Variants in LRRCC1 observed in about 807,000 individuals in gnomAD.
The protein encoded by LRRCC1 is leucine rich repeat and coiled-coil centrosomal protein 1.
LRRCC1 carries 115 observed loss-of-function variants against 126.0 expected under a neutral mutation model. The observed-to-expected ratio is 0.91, with a 90% CI of 0.78 to 1.07. The LOEUF (loss-of-function observed/expected upper bound fraction) is 1.07. Ranked by LOEUF, LRRCC1 falls within the 50% of genes least tolerant of loss-of-function variation. The pLI is 0.00. For synonymous variants in LRRCC1, 400 were observed against 393.4 expected (o/e 1.02, Z -0.20); for missense variants, 1,172 against 1,175.7 (o/e 1.00, Z 0.05).
chr8:85,107,302 G>A lies in LRRCC1; in HGVS notation c.7G>A (p.Ala3Thr), dbSNP rs1327546098. The change falls in exon 1 of 19, where the codon GCG becomes ACG. Residue 3 changes from alanine to threonine, a missense_variant. Physicochemically the swap from Ala to Thr is moderately conservative, Grantham distance 58 (BLOSUM62 0). Transcript: ENST00000360375. ME[A>T]AAAVVAAEAE... ...GCTCCCCGTCGCCAGTGCTATGGAGGCGGCGGCGGCGGTGGTGGCGGCAGA... is the reference window on the plus strand; with the variant it reads ...GCTCCCCGTCGCCAGTGCTATGGAGACGGCGGCGGCGGTGGTGGCGGCAGA... 6.2e-7 allele frequency: 1 copy of A among 1,608,676 alleles called. No individual in the cohort carries two copies. The highest frequency in any genetic ancestry group is 2.2e-5 in the East Asian group (1 of 44,730).
chr8:85,120,311 T>TG (rs1333519849), intron 6 of LRRCC1, among the ~76,000 whole-genome samples: 1 of 152,002 alleles, frequency 6.6e-6, no homozygotes, highest in African/African-American at 2.4e-5. Flanking sequence ...TTTGTAGAGG[T>TG]GGGGGGGTTG....
chr8:85,126,075 T>C (rs1185798545), intron 8 of LRRCC1, among the ~76,000 whole-genome samples: 1 of 152,154 alleles, frequency 6.6e-6, no homozygotes, highest in East Asian at 1.9e-4. Context: ...TATATTCCCT[T>C]GCGTGCCTTG....
intron 1 of LRRCC1, 159 bp downstream of exon 1, chr8:85,107,558 C>G (rs1241090643): frequency 3.4e-6 from 2 of 587,864 alleles, no homozygotes; most frequent in Non-Finnish European, 5.7e-6. Context: ...CCAAAACTTA[C>G]CTGCCGAAGT....
At chr8:85,118,084 A>G (rs1167451127) in intron 6 of LRRCC1, among the ~76,000 whole-genome samples, 1 of 152,066 alleles carries the variant, frequency 6.6e-6, no homozygotes, top group Non-Finnish European at 1.5e-5. Context: ...TCTACCATAT[A>G]TTATTTAATA....
intron 1 of LRRCC1, 31 bp from the exon 2 acceptor site, chr8:85,109,564 C>T: frequency 7.7e-7 from 1 of 1,292,418 alleles, no homozygotes; most frequent in Non-Finnish European, 1.1e-6. Context: ...CTTTTAAAAT[C>T]TATTTTTATA....
chr8:85,108,608 C>G (rs1258460271), intron 1 of LRRCC1: 4 of 152,212 alleles, frequency 2.6e-5, no homozygotes, highest in Non-Finnish European at 5.9e-5. Flanking sequence ...AGCATAAGGT[C>G]TGGCACTAAA....
chr8:85,145,527 A>G lies in LRRCC1; in HGVS notation c.*16A>G. On this transcript the variant is annotated 3_prime_UTR_variant, in exon 19 of 19. Coordinates refer to ENST00000360375, the MANE Select transcript of LRRCC1 (RefSeq NM_033402.5). ...AGATATGTGATGGTTCTGAGAATGAATTTAATTGAAATAGACCAGCAGACC... is the reference window on the plus strand; with the variant it reads ...AGATATGTGATGGTTCTGAGAATGAGTTTAATTGAAATAGACCAGCAGACC... 6.4e-7 allele frequency: 1 copy of G among 1,567,558 alleles called. No homozygotes were observed. Among genetic ancestry groups the G allele is most frequent in the Non-Finnish European group, 8.6e-7 (1 of 1,164,294 alleles).
At chr8:85,109,546 T>C in intron 1 of LRRCC1, 49 bp from the exon 2 acceptor site, 2 of 1,098,376 alleles carry the variant, frequency 1.8e-6, no homozygotes, top group East Asian at 5.2e-5. Context: ...TTTAGTTATT[T>C]GGTCATGCTT....
At chr8:85,128,072 C>G (rs996406677) in intron 9 of LRRCC1, among the ~76,000 whole-genome samples, 1 of 152,154 alleles carries the variant, frequency 6.6e-6, no homozygotes, top group African/African-American at 2.4e-5. Context: ...CAGAATGGAG[C>G]AGTTTCATGA....
chr8:85,142,632 C>T (rs1811331822), intron 18 of LRRCC1, among the ~76,000 whole-genome samples: 1 of 151,982 alleles, frequency 6.6e-6, no homozygotes, highest in South Asian at 2.1e-4. Context: ...GAATTCAAGA[C>T]CAGCCTGGCC....
intron 14 of LRRCC1, 87 bp downstream of exon 14, chr8:85,136,050 G>A (rs1810837384): frequency 1.8e-6 from 2 of 1,108,286 alleles, no homozygotes; most frequent in Non-Finnish European, 2.4e-6. Flanking sequence ...ACTCAACTCT[G>A]CCTAAAGATG....
At chr8:85,115,795 C>T (rs1316481801) in intron 6 of LRRCC1, among the ~76,000 whole-genome samples, 1 of 152,106 alleles carries the variant, frequency 6.6e-6, no homozygotes, top group African/African-American at 2.4e-5. Context: ...ACTTGTCTTC[C>T]TTTACATCTT....
intron 11 of LRRCC1, 25 bp downstream of exon 11, chr8:85,130,083 G>T: frequency 2.7e-6 from 4 of 1,480,228 alleles, no homozygotes; most frequent in Non-Finnish European, 3.6e-6. Flanking sequence ...TATCAGGAAT[G>T]TATTGGCATT....
chr8:85,129,859 A>G, intron 10 of LRRCC1, 60 bp from the exon 11 acceptor site: 1 of 1,279,792 alleles, frequency 7.8e-7, no homozygotes, highest in Non-Finnish European at 1.0e-6. Flanking sequence ...ATGGAAACTG[A>G]CATTAAAATA....
At position 85,109,674 on chromosome 8, in the gene LRRCC1, G is replaced by A; in HGVS notation, c.184G>A (p.Asp62Asn). 2 of 1,610,808 alleles carry A rather than the reference G, an allele frequency of 1.2e-6. No homozygotes were observed. Among genetic ancestry groups the A allele is most frequent in the Non-Finnish European group, 1.7e-6 (2 of 1,177,436 alleles). The change falls in exon 2 of 19, where the codon GAT becomes AAT. Residue 62 changes from aspartate (D) to asparagine (N), a missense_variant. Asp to Asn is a conservative substitution (Grantham distance 23, BLOSUM62 1). Transcript: ENST00000360375. ...CNNISKIEAIDHIWNLQHLDL... is the reference protein window; with the variant it reads ...CNNISKIEAINHIWNLQHLDL... ...TAACATCTCCAAGATCGAAGCCATT[G>A]ATCATATTTGGAATTTACAACATCT...
rs1489975381 is a variant in LRRCC1, at chr8:85,119,089, AT to A, written c.930+3508del. Among the ~76,000 whole-genome samples, 3 of 151,818 alleles carry A rather than the reference AT, an allele frequency of 2.0e-5. No homozygotes were observed. In the East Asian group the frequency reaches 5.8e-4, roughly 29 times the overall value. On this transcript the variant is annotated intron_variant, in intron 6 of 18. Transcript: ENST00000360375. ...TAGAAAAGGCTCTTCTTTTCACTAA[AT>A]TTCTTTAATGAATTTCTTGAAAAAA...
At chr8:85,108,043 C>G (rs561244100) in intron 1 of LRRCC1, among the ~76,000 whole-genome samples, 1 of 152,352 alleles carries the variant, frequency 6.6e-6, no homozygotes, top group Admixed American at 6.5e-5. Flanking sequence ...TAAAGCAGGT[C>G]TCCACCTGCA....
Position 85,145,445 on chromosome 8 carries a change from A to G in LRRCC1, c.3033A>G (p.Lys1011=). 1 of 1,584,252 alleles carries G rather than the reference A, an allele frequency of 6.3e-7. No individual in the cohort carries two copies. The highest frequency in any genetic ancestry group is 2.3e-5 in the East Asian group (1 of 43,282). ...RELLEETCKN[K]KTMEAKIKQL... is the part of the protein sequence containing the mutation. ...TTTTGGAAGAAACATGCAAGAACAAAAAAACAATGGAAGCAAAAATTAAGC... is the reference window on the plus strand; with the variant it reads ...TTTTGGAAGAAACATGCAAGAACAAGAAAACAATGGAAGCAAAAATTAAGC... The change falls in exon 19 of 19, where the codon AAA becomes AAG. Residue 1011 remains lysine, a synonymous_variant. Coordinates refer to ENST00000360375, the MANE Select transcript of LRRCC1 (RefSeq NM_033402.5).
At chr8:85,130,285 G>A (rs572941941) in intron 11 of LRRCC1, among the ~76,000 whole-genome samples, 132 of 151,716 alleles carry the variant, frequency 8.7e-4, no homozygotes, top group African/African-American at 3.0e-3. Flanking sequence ...ACAGGCGCCC[G>A]CCACCATGCT....
Sources: allele counts gnomAD v4.1 joint callset (sites outside exome capture counted in the v4.1 genomes callset), GRCh38; gene constraint gnomAD v4.1.1; transcripts MANE v1.5; gene names NCBI Gene and HGNC (gene_info 2026-07-23, HGNC 2026-07-21).